Variants in EPHA6 observed in about 807,000 individuals in gnomAD.
EPHA6 encodes EPH receptor A6, also known as ephrin type-A receptor 6.
In EPHA6, 50 loss-of-function variants were observed where a neutral mutation model predicts 112.0. That is an observed-to-expected ratio of 0.45 (90% CI 0.36 to 0.56). The LOEUF (loss-of-function observed/expected upper bound fraction) is 0.56, where lower values mean the gene tolerates loss of function less well. Among genes scored for constraint, EPHA6 ranks in the 20% least tolerant of loss-of-function variants. The probability of loss-of-function intolerance (pLI) is 0.00; values close to 1 mark genes in which losing one functional copy is unlikely to be tolerated. For synonymous variants in EPHA6, 529 were observed against 490.7 expected (o/e 1.08, Z -1.03); for missense variants, 1,280 against 1,417.4 (o/e 0.90, Z 1.56).
Position 97,479,900 on chromosome 3 carries a change from C to T in EPHA6, c.2074+536C>T, listed in dbSNP as rs77579809. ...AAGCAACCTATAATTACCACTATAG[C>T]TGGTTTGATAACTGACAACTTCTCC... On this transcript the variant is annotated intron_variant, in intron 9 of 17. Transcript: ENST00000389672. 9.6e-4 allele frequency among the ~76,000 whole-genome samples: 146 copies of T among 152,268 alleles called. 3 individuals carry two copies. The East Asian group carries it at 0.023, about 24-fold the overall frequency.
chr3:97,690,455 G>A (rs1280288830), intron 14 of EPHA6, among the ~76,000 whole-genome samples: 2 of 149,464 alleles, frequency 1.3e-5, no homozygotes, highest in African/African-American at 4.9e-5. Context: ...TTGGAACAAT[G>A]TCTACTTTTC....
chr3:97,583,335 C>T (rs1051593427), intron 11 of EPHA6, among the ~76,000 whole-genome samples: 4 of 151,696 alleles, frequency 2.6e-5, no homozygotes, highest in Admixed American at 6.6e-5. Context: ...GTCAGGAGAT[C>T]GAGACCATCC....
intron 10 of EPHA6, among the ~76,000 whole-genome samples, chr3:97,496,732 G>T (rs1210607851): frequency 6.6e-6 from 1 of 151,946 alleles, no homozygotes; most frequent in Non-Finnish European, 1.5e-5. Flanking sequence ...CGTATAGACT[G>T]TGTTTTAGCT....
intron 3 of EPHA6, among the ~76,000 whole-genome samples, chr3:97,127,778 A>G (rs2108318401): frequency 6.6e-6 from 1 of 151,472 alleles, no homozygotes; most frequent in African/African-American, 2.4e-5. Flanking sequence ...TTTAGCTTCC[A>G]GCGTGTCATA....
intron 11 of EPHA6, among the ~76,000 whole-genome samples, chr3:97,587,097 G>T (rs552413915): frequency 6.6e-6 from 1 of 152,224 alleles, no homozygotes; most frequent in Non-Finnish European, 1.5e-5. Flanking sequence ...ACAAAAATTA[G>T]CCGGACATGG....
At chr3:97,716,023 T>A (rs930089642) in intron 14 of EPHA6, among the ~76,000 whole-genome samples, 2 of 152,236 alleles carry the variant, frequency 1.3e-5, no homozygotes, top group Non-Finnish European at 2.9e-5. Flanking sequence ...TTGATTAGCA[T>A]CTTTGGTAAT....
chr3:96,825,247 A>G (rs1465708196), intron 1 of EPHA6, among the ~76,000 whole-genome samples: 4 of 151,948 alleles, frequency 2.6e-5, no homozygotes, highest in African/African-American at 9.6e-5. Context: ...GAACTTTTAA[A>G]TAAGTGATGT....
chr3:97,406,728 C>A (rs761976354), intron 6 of EPHA6, among the ~76,000 whole-genome samples: 3 of 152,066 alleles, frequency 2.0e-5, no homozygotes, highest in Non-Finnish European at 2.9e-5. Context: ...CTGTCATTAT[C>A]TTTAAGTGAC....
intron 3 of EPHA6, among the ~76,000 whole-genome samples, chr3:97,045,791 G>A (rs1419724460): frequency 6.6e-6 from 1 of 152,060 alleles, no homozygotes; most frequent in Admixed American, 6.6e-5. Flanking sequence ...TTTGACCACT[G>A]CCCTTCTTGA....
chr3:96,888,219 A>C (rs2037747329), intron 2 of EPHA6, among the ~76,000 whole-genome samples: 2 of 152,064 alleles, frequency 1.3e-5, no homozygotes, highest in South Asian at 4.1e-4. Flanking sequence ...GCCAGGCAGG[A>C]ATGGCCTGCT....
intron 3 of EPHA6, among the ~76,000 whole-genome samples, chr3:96,999,214 C>G (rs1191870169): frequency 6.6e-6 from 1 of 151,884 alleles, no homozygotes; most frequent in East Asian, 1.9e-4. Context: ...ATTTCTGTTA[C>G]TGTGTCATCA....
At chr3:96,954,818 G>T (rs1434876493) in intron 2 of EPHA6, among the ~76,000 whole-genome samples, 1 of 105,132 alleles carries the variant, frequency 9.5e-6, no homozygotes, top group Non-Finnish European at 1.7e-5. Flanking sequence ...ACGGAGTCTC[G>T]CTCTGTCGCC....
At chr3:97,478,631 G>A (rs2091444236) in intron 8 of EPHA6, among the ~76,000 whole-genome samples, 1 of 152,034 alleles carries the variant, frequency 6.6e-6, no homozygotes, top group Admixed American at 6.5e-5. Flanking sequence ...CTTTGGTAGG[G>A]GAGCAGTCAT....
chr3:97,728,423 A>G lies in EPHA6; in HGVS notation c.2935-7502A>G, dbSNP rs551992795. Among the ~76,000 whole-genome samples the G allele has an allele frequency of 3.9e-5, 6 of 152,222 alleles. No individual in the cohort carries two copies. In the South Asian group the frequency reaches 1.2e-3, roughly 32 times the overall value. On this transcript the variant is annotated intron_variant, in intron 15 of 17. Transcript: ENST00000389672. ...AGGAACTGGCATAGTAAGAAATACC[A>G]TGGTGCCCCAAATCTTCCTAGCTTT...
chr3:97,720,921 A>C (rs971385277), intron 15 of EPHA6, among the ~76,000 whole-genome samples: 1 of 152,170 alleles, frequency 6.6e-6, no homozygotes, highest in African/African-American at 2.4e-5. Flanking sequence ...TTTATCTATA[A>C]AACTACCTTG....
At chr3:97,308,823 T>C (rs902225910) in intron 5 of EPHA6, among the ~76,000 whole-genome samples, 2 of 151,760 alleles carry the variant, frequency 1.3e-5, no homozygotes, top group Non-Finnish European at 3.0e-5. Context: ...GCACATCATG[T>C]GCACTCAATG....
chr3:97,658,798 T>A (rs2094151930), intron 14 of EPHA6, among the ~76,000 whole-genome samples: 1 of 151,858 alleles, frequency 6.6e-6, no homozygotes, highest in Admixed American at 6.6e-5. Flanking sequence ...AAAAGCATGA[T>A]AAAACAACAC....
chr3:96,948,807 G>C (rs1177144174), intron 2 of EPHA6, among the ~76,000 whole-genome samples: 1 of 152,092 alleles, frequency 6.6e-6, no homozygotes, highest in Non-Finnish European at 1.5e-5. Context: ...AAATTAATCT[G>C]TATTGATGTA....
At chr3:97,183,138 G>C (rs1469551743) in intron 3 of EPHA6, among the ~76,000 whole-genome samples, 1 of 151,590 alleles carries the variant, frequency 6.6e-6, no homozygotes, top group Non-Finnish European at 1.5e-5. Context: ...AATTCATAAG[G>C]GCTTTCAAAT....
Sources: gnomAD v4.1 joint callset for allele counts (sites outside exome capture counted in the v4.1 genomes callset) on GRCh38, gnomAD v4.1.1 for gene constraint, MANE v1.5 for transcripts, NCBI Gene and HGNC (gene_info 2026-07-23, HGNC 2026-07-21) for gene names.